PADI4: variants seen among roughly 807,000 people sequenced by gnomAD.
PADI4 encodes the protein peptidyl arginine deiminase 4, also known as protein-arginine deiminase type-4.
Under a neutral mutation model 75.0 loss-of-function variants are expected in PADI4, and 62 were observed. That is an observed-to-expected ratio of 0.83 (90% CI 0.67 to 1.02). The LOEUF (loss-of-function observed/expected upper bound fraction) is 1.02. Among genes scored for constraint, PADI4 ranks in the 50% least tolerant of loss-of-function variants. The pLI is 0.00. For synonymous variants in PADI4, 361 were observed against 348.1 expected, an observed-to-expected ratio of 1.04 and a Z score of -0.41; for missense variants, 845 against 850.5, an observed-to-expected ratio of 0.99 and a Z score of 0.08.
At chr1:17,332,985 T>C (rs1308916152) in intron 2 of PADI4, among the ~76,000 whole-genome samples, 1 of 152,140 alleles carries the variant, frequency 6.6e-6, no homozygotes, top group Non-Finnish European at 1.5e-5. Flanking sequence ...AAGTTCTGTA[T>C]GGCAAGAAAG....
At chr1:17,349,115 G>A (rs2074574420) in intron 10 of PADI4, among the ~76,000 whole-genome samples, 1 of 152,212 alleles carries the variant, frequency 6.6e-6, no homozygotes, top group African/African-American at 2.4e-5. Context: ...TTCACAGTGT[G>A]TACTCAGCCA....
In PADI4 at chr1:17,356,535, C is replaced by A; in HGVS notation, c.1558+76C>A. The A allele has an allele frequency of 1.2e-6, 1 of 867,518 alleles. No homozygotes were observed. Among genetic ancestry groups the A allele is most frequent in the Non-Finnish European group, 1.9e-6 (1 of 530,822 alleles). 53.7% of individuals were successfully genotyped at this position (867,518 alleles called of 1,614,324 possible). A position where few individuals can be genotyped will look rare whatever the true frequency, so the allele number is the denominator to read the frequency against. On this transcript the variant is annotated intron_variant, in intron 13 of 15. Coordinates refer to ENST00000375448, the MANE Select transcript of PADI4 (RefSeq NM_012387.3). This position sits in a 1 kb window ranked among gnomAD's most constrained non-coding sequence, Gnocchi z 4.1. ...TAGTCCGCTGTTGCCTGGAGGGAAT[C>A]ATCCAGGCAATAGGGTAGCATCTGA...
rs138301211 is a variant in PADI4, at chr1:17,340,790, CTT to C, written c.652+993_652+994del. Among the ~76,000 whole-genome samples the C allele has an allele frequency of 5.4e-3, 687 of 126,860 alleles. 9 individuals are homozygous for C. Among genetic ancestry groups the C allele is most frequent in the African/African-American group, 0.019 (649 of 34,052 alleles). The allele number at this position is 126,860 out of a possible 152,430, so 83.2% of individuals were successfully genotyped here. On this transcript the variant is annotated intron_variant, in intron 6 of 15. Transcript: ENST00000375448. ...ATCATTCTGCCTGGTCTATTCCAAG[CTT>C]TTTTTTTTTTTTTTTAATTTTTTTT...
At chr1:17,320,699 C>T (rs1246890661) in intron 1 of PADI4, among the ~76,000 whole-genome samples, 3 of 152,300 alleles carry the variant, frequency 2.0e-5, no homozygotes, top group Non-Finnish European at 4.4e-5. Flanking sequence ...CTCTCGTCAT[C>T]GTCTTGGTTT....
At chr1:17,324,691 T>A (rs941336958) in intron 1 of PADI4, among the ~76,000 whole-genome samples, 1 of 152,144 alleles carries the variant, frequency 6.6e-6, no homozygotes, top group African/African-American at 2.4e-5. Context: ...TGGTTTTGAG[T>A]CTTGTTTCAG....
intron 1 of PADI4, among the ~76,000 whole-genome samples, chr1:17,329,672 G>T (rs944437899): frequency 1.3e-5 from 2 of 152,122 alleles, no homozygotes; most frequent in African/African-American, 4.8e-5. Flanking sequence ...GACTCACGCA[G>T]TTCAAACCTG....
intron 10 of PADI4, 22 bp from the exon 11 acceptor site, chr1:17,354,511 G>A: frequency 1.2e-6 from 2 of 1,613,340 alleles, no homozygotes; most frequent in Non-Finnish European, 8.5e-7. Context: ...CTAACTCTTG[G>A]CACTCCCTTC....
At position 17,336,206 on chromosome 1, in the gene PADI4, A is replaced by G. The variant is rs750509575; in HGVS notation, c.388A>G (p.Thr130Ala). Reference sequence around the variant, plus strand: ...CACCCGCACCGGCAAAGTGAAGCCAACCAGAGCTGTGAAAGATCAGGTACC... The same window carrying G: ...CACCCGCACCGGCAAAGTGAAGCCAGCCAGAGCTGTGAAAGATCAGGTACC... ...DITRTGKVKP[T>A]RAVKDQRTWT... is the part of the protein sequence containing the mutation. The change falls in exon 4 of 16, where the codon ACC becomes GCC. Residue 130 changes from threonine (T) to alanine (A), a missense_variant. By Grantham distance (58) the Thr-to-Ala change is moderately conservative (BLOSUM62 0). Coordinates refer to ENST00000375448, the MANE Select transcript of PADI4 (RefSeq NM_012387.3). The G allele has an allele frequency of 8.7e-6, 14 of 1,613,676 alleles. No homozygotes were observed. Among genetic ancestry groups the G allele is most frequent in the Non-Finnish European group, 1.2e-5 (14 of 1,179,676 alleles).
At chr1:17,331,771 AG>A (rs1239336080) in intron 2 of PADI4, among the ~76,000 whole-genome samples, 4 of 152,228 alleles carry the variant, frequency 2.6e-5, no homozygotes, top group African/African-American at 7.2e-5. Flanking sequence ...TACAAAAATT[AG>A]CTGGGCGTAG....
Position 17,342,316 on chromosome 1 carries a change from G to T in PADI4, c.849G>T (p.Val283=). 6.2e-7 allele frequency: 1 copy of T among 1,612,910 alleles called. No homozygotes were observed. The highest frequency in any genetic ancestry group is 1.1e-5 in the South Asian group (1 of 91,048). The change falls in exon 8 of 16, where the codon GTG becomes GTT. Residue 283 remains valine (V), a synonymous_variant. Coordinates refer to ENST00000375448, the MANE Select transcript of PADI4 (RefSeq NM_012387.3). ...CCCTGCAGGAGCTCCCCGAGGCTGTGGTGTTCCAAGACAGCGTGGTCTTCC... is the reference window on the plus strand; with the variant it reads ...CCCTGCAGGAGCTCCCCGAGGCTGTTGTGTTCCAAGACAGCGTGGTCTTCC... ...DTSNLELPEA[V]VFQDSVVFRV...
At chr1:17,347,727 C>T (rs2240337) in intron 9 of PADI4, among the ~76,000 whole-genome samples, 14,371 of 152,252 alleles carry the variant, frequency 0.094, 768 homozygotes, top group Middle Eastern at 0.15. Flanking sequence ...GAGGGAAGGG[C>T]ACTCCTGCAG....
At position 17,359,381 on chromosome 1, in the gene PADI4, T is replaced by C. The variant is rs368837208; in HGVS notation, c.1731T>C (p.Ser577=). 6.2e-7 allele frequency: 1 copy of C among 1,614,166 alleles called. No individual in the cohort carries two copies. The change falls in exon 15 of 16, where the codon TCT becomes TCC. Residue 577 remains serine, a synonymous_variant. Transcript: ENST00000375448. The stretch of plus-strand genomic sequence containing the variant: ...AGCTCTTCAAGCTCAAAGAGTTCTC[T>C]AAGGCGGAAGCTTTTTTCCCCAACA... ...IPQLFKLKEF[S]KAEAFFPNMV... is the part of the protein sequence containing the mutation.
intron 1 of PADI4, among the ~76,000 whole-genome samples, chr1:17,323,798 A>C (rs1278124469): frequency 1.3e-5 from 2 of 151,992 alleles, no homozygotes; most frequent in East Asian, 3.9e-4. Flanking sequence ...ACACCACTAC[A>C]CTCCAGCCTG....
chr1:17,336,010 A>G, intron 3 of PADI4, 149 bp from the exon 4 acceptor site: 1 of 627,270 alleles, frequency 1.6e-6, no homozygotes, highest in South Asian at 1.9e-5. Flanking sequence ...GATGTCTTGA[A>G]CCTGTGTCTC....
chr1:17,311,430 G>A (rs1225592178), intron 1 of PADI4, among the ~76,000 whole-genome samples: 1 of 152,188 alleles, frequency 6.6e-6, no homozygotes, highest in South Asian at 2.1e-4. Flanking sequence ...GGCCTAGAAG[G>A]GGTGGGGGTC....
intron 1 of PADI4, among the ~76,000 whole-genome samples, chr1:17,310,486 C>T (rs1414396449): frequency 6.6e-6 from 1 of 152,182 alleles, no homozygotes; most frequent in African/African-American, 2.4e-5. Flanking sequence ...CACCTCCGCC[C>T]CTCATATTCA....
intron 3 of PADI4, 34 bp downstream of exon 3, chr1:17,334,043 C>T (rs1220374315): frequency 7.5e-6 from 10 of 1,339,022 alleles, no homozygotes; most frequent in East Asian, 2.3e-5. Flanking sequence ...AGTGCCGTCT[C>T]ATCCCCTGCC....
rs1281633461 is a variant in PADI4, at chr1:17,342,785, G to A, written c.935+383G>A. On this transcript the variant is annotated intron_variant, in intron 8 of 15. Coordinates refer to ENST00000375448, the MANE Select transcript of PADI4 (RefSeq NM_012387.3). ...AGGTCAGAAGTTTGAGATCAGCCCA[G>A]CCAACATGGTGAAACCCTGTCTCTA... Among the ~76,000 whole-genome samples, 3 of 152,312 alleles carry A rather than the reference G, an allele frequency of 2.0e-5. No individual in the cohort carries two copies. In the East Asian group the frequency reaches 5.8e-4, roughly 29 times the overall value.
chr1:17,322,843 C>A (rs1454480785), intron 1 of PADI4, among the ~76,000 whole-genome samples: 1 of 151,996 alleles, frequency 6.6e-6, no homozygotes, highest in Non-Finnish European at 1.5e-5. Flanking sequence ...CTCTTTCTCC[C>A]CTTCTCCCCC....
Sources: gnomAD v4.1 joint callset for allele counts (sites outside exome capture counted in the v4.1 genomes callset) on GRCh38, gnomAD v4.1.1 for gene constraint, Gnocchi (gnomAD v3.1) non-coding constraint, MANE v1.5 for transcripts, NCBI Gene and HGNC (gene_info 2026-07-23, HGNC 2026-07-21) for gene names.